The following EPHX2 variants were observed in gnomAD, a reference collection of about 807,000 sequenced individuals.
EPHX2 encodes the protein bifunctional epoxide hydrolase 2.
EPHX2 carries 74 observed loss-of-function variants against 78.7 expected under a neutral mutation model. That is an observed-to-expected ratio of 0.94 (90% confidence interval 0.78 to 1.14). The LOEUF (loss-of-function observed/expected upper bound fraction) is 1.14. Among genes scored for constraint, EPHX2 ranks in the 50% most tolerant of loss-of-function variants. The pLI is 0.00. For synonymous variants in EPHX2, 251 were observed against 255.2 expected (o/e 0.98, Z 0.16); for missense variants, 715 against 702.5 (o/e 1.02, Z -0.20).
chr8:27,516,410 G>A lies in EPHX2; in HGVS notation c.910+12G>A, dbSNP rs200823982. On this transcript the variant is annotated intron_variant, in intron 8 of 18. Coordinates refer to ENST00000521400, the MANE Select transcript of EPHX2 (RefSeq NM_001979.6). Reference sequence around the variant, plus strand: ...ATCTGCTCCTCCCGGTGGGTGTGCTGTCTTGCAGCTGTCTTATGCTGGTCT... The same window carrying A: ...ATCTGCTCCTCCCGGTGGGTGTGCTATCTTGCAGCTGTCTTATGCTGGTCT... 29 of 1,613,174 alleles carry A rather than the reference G, an allele frequency of 1.8e-5. No homozygotes were observed. Among genetic ancestry groups the A allele is most frequent in the African/African-American group, 2.7e-5 (2 of 74,872 alleles).
rs143147623 is a variant in EPHX2, at chr8:27,511,494, G to A, written c.661-342G>A. On this transcript the variant is annotated intron_variant, in intron 5 of 18. Coordinates refer to ENST00000521400, the MANE Select transcript of EPHX2 (RefSeq NM_001979.6). ...GGAGGATGCACTGTCTTCTACCTGT[G>A]GTTTTTGAGGTCACACTGGACACCC... Among the ~76,000 whole-genome samples the A allele has an allele frequency of 4.4e-3, 664 of 152,362 alleles. 1 individual carries two copies. The highest frequency in any genetic ancestry group is 0.014 in the Middle Eastern group (4 of 294).
chr8:27,527,570 C>T (rs1032353865), intron 12 of EPHX2, among the ~76,000 whole-genome samples: 6 of 152,202 alleles, frequency 3.9e-5, no homozygotes, highest in Admixed American at 1.3e-4. Context: ...CCAGCCCTGG[C>T]AGCCACCATT....
chr8:27,546,947 G>A (rs779483168), downstream of EPHX2, among the ~76,000 whole-genome samples: 1 of 152,278 alleles, frequency 6.6e-6, no homozygotes, highest in African/African-American at 2.4e-5. Flanking sequence ...CATGGCAGAC[G>A]GTGAAGGGGA....
chr8:27,544,234 CAGAT>C lies in EPHX2; in HGVS notation c.1580_1583del (p.Gln527ArgfsTer7). 1 of 1,614,192 alleles carries C rather than the reference CAGAT, an allele frequency of 6.2e-7. No homozygotes were observed. The highest frequency in any genetic ancestry group is 8.5e-7 in the Non-Finnish European group (1 of 1,180,040). ...CATTGAGGACTGTGGGCACTGGACA[CAGAT>C]GGACAAGTAAGGAGGTTGGGGGCTC... On this transcript the variant is annotated frameshift_variant, in exon 18 of 19. Coordinates refer to ENST00000521400, the MANE Select transcript of EPHX2 (RefSeq NM_001979.6). LOFTEE classifies it high-confidence loss of function.
intron 16 of EPHX2, 98 bp downstream of exon 16, chr8:27,541,640 T>A (rs985847594): frequency 9.1e-5 from 118 of 1,298,658 alleles, no homozygotes; most frequent in Non-Finnish European, 1.2e-4. Context: ...CAGAGCTGGT[T>A]GTGGACAGAT....
chr8:27,538,723 G>A (rs763864477), intron 14 of EPHX2, 31 bp downstream of exon 14: 11 of 1,608,308 alleles, frequency 6.8e-6, no homozygotes, highest in Admixed American at 5.0e-5. Flanking sequence ...AGCCATATCT[G>A]GAACCAGCTG....
At chr8:27,547,234 A>G (rs1447151148), downstream of EPHX2, among the ~76,000 whole-genome samples, 1 of 152,136 alleles carries the variant, frequency 6.6e-6, no homozygotes, top group Non-Finnish European at 1.5e-5. Flanking sequence ...GTTTTTCAAG[A>G]AGATAGTGGA....
At chr8:27,539,529 C>T (rs1056544000) in intron 14 of EPHX2, among the ~76,000 whole-genome samples, 1 of 152,216 alleles carries the variant, frequency 6.6e-6, no homozygotes, top group Non-Finnish European at 1.5e-5. Context: ...AGAACATCTT[C>T]CTTCCCTCCC....
At chr8:27,492,324 A>G (rs749739905) in intron 1 of EPHX2, among the ~76,000 whole-genome samples, 1 of 152,174 alleles carries the variant, frequency 6.6e-6, no homozygotes, top group Non-Finnish European at 1.5e-5. Flanking sequence ...GCCTGGGTGA[A>G]AGAGCAAGAC....
Position 27,545,260 on chromosome 8 carries a change from G to C in EPHX2, c.*738G>C, listed in dbSNP as rs7341557. The C allele has an allele frequency of 6.6e-6, 1 of 152,138 alleles. No individual in the cohort carries two copies. The highest frequency in any genetic ancestry group is 1.5e-5 in the Non-Finnish European group (1 of 68,046). 9.4% of individuals were successfully genotyped at this position (152,138 alleles called of 1,614,324 possible). A position where few individuals can be genotyped will look rare whatever the true frequency, so the allele number is the denominator to read the frequency against. On this transcript the variant is annotated 3_prime_UTR_variant, in exon 19 of 19. Transcript: ENST00000521400. ...TTCATTGAATTGTAATCAGTTTAAA[G>C]TTAAATAGCAGCAGCTGCCATGAGG...
At chr8:27,503,845 C>A in intron 3 of EPHX2, 82 bp downstream of exon 3, 1 of 1,476,492 alleles carries the variant, frequency 6.8e-7, no homozygotes. Flanking sequence ...TTGAAGTGAG[C>A]TTTGAGATCA....
chr8:27,514,761 C>G (rs964132024), intron 6 of EPHX2, among the ~76,000 whole-genome samples: 2 of 152,076 alleles, frequency 1.3e-5, no homozygotes, highest in African/African-American at 4.8e-5. Flanking sequence ...CACCTTTCCT[C>G]TGCTTGGGAG....
At chr8:27,531,282 G>A (rs1404993990) in intron 12 of EPHX2, among the ~76,000 whole-genome samples, 1 of 152,208 alleles carries the variant, frequency 6.6e-6, no homozygotes, top group Non-Finnish European at 1.5e-5. Flanking sequence ...ACAGCTCAGG[G>A]CTGTTATGGA....
chr8:27,508,887 C>T (rs1814123178), intron 5 of EPHX2, among the ~76,000 whole-genome samples: 1 of 150,850 alleles, frequency 6.6e-6, no homozygotes, highest in African/African-American at 2.4e-5. Context: ...AACTCTGGAC[C>T]ATCAAACACC....
intron 12 of EPHX2, among the ~76,000 whole-genome samples, chr8:27,527,762 A>G (rs562963611): frequency 2.0e-5 from 3 of 152,228 alleles, no homozygotes; most frequent in African/African-American, 4.8e-5. Context: ...CATGGTGTGT[A>G]TAGACCACAT....
chr8:27,504,125 G>C (rs1287494107), intron 3 of EPHX2, among the ~76,000 whole-genome samples: 1 of 152,234 alleles, frequency 6.6e-6, no homozygotes, highest in Admixed American at 6.5e-5. Context: ...GGGTATCAGA[G>C]TGTCCAAGCT....
chr8:27,500,600 G>A (rs963956502), intron 1 of EPHX2, among the ~76,000 whole-genome samples: 26 of 152,148 alleles, frequency 1.7e-4, no homozygotes, highest in African/African-American at 5.3e-4. Context: ...TGGTGCACAC[G>A]AGGACAGTAA....
intron 12 of EPHX2, among the ~76,000 whole-genome samples, chr8:27,532,550 G>C (rs922499916): frequency 6.6e-6 from 1 of 152,008 alleles, no homozygotes; most frequent in African/African-American, 2.4e-5. Context: ...GTCTCGGCAG[G>C]GTTGGTCCCT....
chr8:27,522,312 T>C, intron 10 of EPHX2, 111 bp from the exon 11 acceptor site: 1 of 913,554 alleles, frequency 1.1e-6, no homozygotes, highest in Non-Finnish European at 1.7e-6. Flanking sequence ...AGAGCTGCTG[T>C]GGGTCGGGGG....
Sources: gnomAD v4.1 joint callset for allele counts (sites outside exome capture counted in the v4.1 genomes callset) on GRCh38, gnomAD v4.1.1 for gene constraint, MANE v1.5 for transcripts, NCBI Gene and HGNC (gene_info 2026-07-23, HGNC 2026-07-21) for gene names.